Variants in CAMTA1 observed in about 807,000 individuals in gnomAD.
CAMTA1 encodes calmodulin binding transcription activator 1.
Under a neutral mutation model 170.9 loss-of-function variants are expected in CAMTA1, and 27 were observed. The ratio of observed to expected loss-of-function variants is 0.16; its 90% CI spans 0.12 to 0.22. The LOEUF (loss-of-function observed/expected upper bound fraction) is 0.22. Among genes scored for constraint, CAMTA1 ranks in the 10% least tolerant of loss-of-function variants. The pLI is 1.00. For synonymous variants in CAMTA1, 833 were observed against 891.5 expected (o/e 0.93, Z 1.17); for missense variants, 1,619 against 2,217.2 (o/e 0.73, Z 5.42).
At chr1:7,206,156 T>C (rs1271213335) in intron 4 of CAMTA1, among the ~76,000 whole-genome samples, 2 of 152,194 alleles carry the variant, frequency 1.3e-5, no homozygotes, top group Admixed American at 1.3e-4. Context: ...GAGGCTTTTC[T>C]GTGTTCCTGG....
intron 6 of CAMTA1, among the ~76,000 whole-genome samples, chr1:7,500,034 TTG>T (rs1382780753): frequency 7.5e-6 from 1 of 133,628 alleles, no homozygotes; most frequent in South Asian, 2.7e-4. Context: ...GTAGAGAGGA[TTG>T]TGTGAGCCTG....
At chr1:7,417,517 A>C (rs2149294044) in intron 5 of CAMTA1, among the ~76,000 whole-genome samples, 1 of 152,182 alleles carries the variant, frequency 6.6e-6, no homozygotes, top group African/African-American at 2.4e-5. Flanking sequence ...TTGCAGTTTG[A>C]TCTCAGACTG....
In CAMTA1 at chr1:7,661,826, C is replaced by T. The variant is rs2095960514; in HGVS notation, c.765C>T (p.Pro255=). 1 of 1,613,486 alleles carries T rather than the reference C, an allele frequency of 6.2e-7. No individual in the cohort carries two copies. Among genetic ancestry groups the T allele is most frequent in the Non-Finnish European group, 8.5e-7 (1 of 1,179,912 alleles). ...QQILDSHQTK[P]QPRTHNCLCT... ...TCCTCGACAGCCACCAGACCAAGCC[C>T]CAGCCGCGGACCCACAACTGCCTCT... The change falls in exon 8 of 23, where the codon CCC becomes CCT. Residue 255 remains proline (P), a synonymous_variant. Coordinates refer to ENST00000303635, the MANE Select transcript of CAMTA1 (RefSeq NM_015215.4).
intron 3 of CAMTA1, among the ~76,000 whole-genome samples, chr1:6,905,360 A>AT (rs1473747175): frequency 1.3e-5 from 2 of 151,614 alleles, no homozygotes; most frequent in East Asian, 3.9e-4. Context: ...CACCTGGCTA[A>AT]TTTTTGTGTT....
At chr1:7,060,252 A>G (rs1256227526) in intron 3 of CAMTA1, among the ~76,000 whole-genome samples, 1 of 152,242 alleles carries the variant, frequency 6.6e-6, no homozygotes, top group African/African-American at 2.4e-5. Context: ...CAAGACATCA[A>G]TAGGGTTGGG....
intron 5 of CAMTA1, among the ~76,000 whole-genome samples, chr1:7,394,919 C>T (rs1269820175): frequency 2.8e-5 from 4 of 142,700 alleles, no homozygotes; most frequent in African/African-American, 7.7e-5. Flanking sequence ...TTTCGCTCTT[C>T]TTGACCAGGC....
chr1:7,011,467 C>T (rs892895408), intron 3 of CAMTA1, among the ~76,000 whole-genome samples: 2 of 152,286 alleles, frequency 1.3e-5, no homozygotes, highest in East Asian at 1.9e-4. Context: ...TGAGACCCTT[C>T]GCCCTCCTAT....
intron 6 of CAMTA1, among the ~76,000 whole-genome samples, chr1:7,522,371 T>C (rs2094377117): frequency 6.6e-6 from 1 of 152,170 alleles, no homozygotes; most frequent in Non-Finnish European, 1.5e-5. Context: ...ATTTTGAGAG[T>C]TTGTTATTAT....
chr1:7,170,961 C>G (rs1285784901), intron 4 of CAMTA1, among the ~76,000 whole-genome samples: 1 of 152,040 alleles, frequency 6.6e-6, no homozygotes, highest in African/African-American at 2.4e-5. Context: ...AAGTGTTTGT[C>G]GAATCAAGTT....
At chr1:7,521,065 A>G (rs72863102) in intron 6 of CAMTA1, among the ~76,000 whole-genome samples, 1 of 152,024 alleles carries the variant, frequency 6.6e-6, no homozygotes, top group Non-Finnish European at 1.5e-5. Context: ...TAAGAAAAAT[A>G]AAAAAAATGT....
intron 3 of CAMTA1, among the ~76,000 whole-genome samples, chr1:6,938,405 T>C (rs1188065904): frequency 2.6e-5 from 4 of 152,014 alleles, no homozygotes; most frequent in Non-Finnish European, 4.4e-5. Context: ...CTTGGTTGCG[T>C]CACAGCAGGA....
At chr1:7,477,999 C>T (rs1268449288) in intron 6 of CAMTA1, among the ~76,000 whole-genome samples, 1 of 152,228 alleles carries the variant, frequency 6.6e-6, no homozygotes, top group Non-Finnish European at 1.5e-5. Context: ...GAATCAACTT[C>T]TTTGAACCTT....
intron 21 of CAMTA1, among the ~76,000 whole-genome samples, chr1:7,755,415 G>A (rs1393925162): frequency 2.0e-5 from 3 of 149,746 alleles, no homozygotes; most frequent in Non-Finnish European, 1.5e-5. Flanking sequence ...GAATCAGTCA[G>A]AAGTATCCCA....
chr1:6,822,660 TGA>T (rs1646627387), intron 2 of CAMTA1, among the ~76,000 whole-genome samples: 1 of 152,110 alleles, frequency 6.6e-6, no homozygotes, highest in South Asian at 2.1e-4. Context: ...GAAACTAGAT[TGA>T]GAGAGTGCTT....
intron 6 of CAMTA1, among the ~76,000 whole-genome samples, chr1:7,488,340 A>T (rs1470440424): frequency 1.3e-5 from 2 of 151,782 alleles, no homozygotes; most frequent in African/African-American, 4.8e-5. Context: ...ATGGCTCCAG[A>T]CCCTGGTGTC....
At chr1:6,997,274 T>G (rs576672360) in intron 3 of CAMTA1, among the ~76,000 whole-genome samples, 50 of 152,280 alleles carry the variant, frequency 3.3e-4, no homozygotes, top group African/African-American at 1.1e-3. Flanking sequence ...TGTGTGTGTG[T>G]GTGCGAGCCA....
intron 6 of CAMTA1, among the ~76,000 whole-genome samples, chr1:7,574,298 G>A (rs922455057): frequency 2.6e-5 from 4 of 152,272 alleles, no homozygotes; most frequent in African/African-American, 4.8e-5. Flanking sequence ...ACTGCCAGGC[G>A]TTATACATGA....
chr1:7,241,954 C>G (rs945994439), intron 4 of CAMTA1, among the ~76,000 whole-genome samples: 4 of 151,754 alleles, frequency 2.6e-5, no homozygotes, highest in Non-Finnish European at 5.9e-5. Flanking sequence ...TTGGAACTTA[C>G]CAAAGGGGAA....
At chr1:6,941,707 T>C (rs1686663085) in intron 3 of CAMTA1, among the ~76,000 whole-genome samples, 1 of 152,140 alleles carries the variant, frequency 6.6e-6, no homozygotes, top group South Asian at 2.1e-4. Flanking sequence ...ACTCCTGAAG[T>C]ATTAGTACCT....
Sources: gnomAD v4.1 joint callset for allele counts (sites outside exome capture counted in the v4.1 genomes callset) on GRCh38, gnomAD v4.1.1 for gene constraint, MANE v1.5 for transcripts, NCBI Gene and HGNC (gene_info 2026-07-23, HGNC 2026-07-21) for gene names.